The following FGF12 variants were observed in gnomAD, a reference collection of about 807,000 sequenced individuals.
FGF12 encodes the protein fibroblast growth factor 12B.
A neutral mutation model predicts 23.6 loss-of-function variants in FGF12; 14 were observed. The ratio of observed to expected loss-of-function variants is 0.59; its 90% CI spans 0.39 to 0.93. The LOEUF is 0.93. Among genes scored for constraint, FGF12 ranks in the 40% least tolerant of loss-of-function variants. The pLI is 0.00. For synonymous variants in FGF12, 62 were observed against 77.3 expected (o/e 0.80, Z 1.04); for missense variants, 175 against 217.8 (o/e 0.80, Z 1.24).
At chr3:192,439,778 C>T (rs1722142012) in intron 2 of FGF12, among the ~76,000 whole-genome samples, 1 of 152,140 alleles carries the variant, frequency 6.6e-6, no homozygotes, top group Non-Finnish European at 1.5e-5. Context: ...AGTTCAAGAC[C>T]AGCCTGGCAA....
intron 2 of FGF12, among the ~76,000 whole-genome samples, chr3:192,492,241 T>A (rs1198255847): frequency 6.6e-6 from 1 of 152,188 alleles, no homozygotes. Context: ...AATCACTTTT[T>A]CTAGCCAAAA....
rs1721036725 is a variant in FGF12, at chr3:192,408,052, G to A, written c.14-47514C>T. The A allele has an allele frequency of 6.2e-7, 1 of 1,612,196 alleles. No individual in the cohort carries two copies. Among genetic ancestry groups the A allele is most frequent in the African/African-American group, 1.3e-5 (1 of 75,044 alleles). On this transcript the variant is annotated intron_variant, in intron 2 of 5. Transcript: ENST00000445105. This position sits in a 1 kb window ranked among gnomAD's most constrained non-coding sequence, Gnocchi z 7.3. Reference sequence around the variant, plus strand: ...GGTCTCCGCCTCACCGGCCTCTTGCGGCCGCTGCAGAAGCGCACTTTGCTG... The same window carrying A: ...GGTCTCCGCCTCACCGGCCTCTTGCAGCCGCTGCAGAAGCGCACTTTGCTG...
At chr3:192,350,843 T>A (rs1019730557) in intron 3 of FGF12, among the ~76,000 whole-genome samples, 1 of 152,164 alleles carries the variant, frequency 6.6e-6, no homozygotes, top group Non-Finnish European at 1.5e-5. Flanking sequence ...GTGAGTTTAT[T>A]TCGTTTTATC....
At chr3:192,563,134 T>G (rs1712122821) in intron 2 of FGF12, among the ~76,000 whole-genome samples, 2 of 152,220 alleles carry the variant, frequency 1.3e-5, no homozygotes, top group Admixed American at 1.3e-4. Flanking sequence ...GCTTTAGAAC[T>G]GGGACCTACC....
intron 2 of FGF12, among the ~76,000 whole-genome samples, chr3:192,720,644 C>G (rs1034798512): frequency 1.3e-5 from 2 of 152,182 alleles, no homozygotes; most frequent in African/African-American, 4.8e-5. Flanking sequence ...AATCCCAAGT[C>G]TGTAGTACAG....
At chr3:192,352,160 T>A (rs559677877) in intron 3 of FGF12, among the ~76,000 whole-genome samples, 3 of 152,140 alleles carry the variant, frequency 2.0e-5, no homozygotes, top group Admixed American at 6.5e-5. Flanking sequence ...TTGTTTAAGA[T>A]GATAGAAAGT....
rs1421463192 is a variant in FGF12, at chr3:192,409,994, G to T, written c.14-49456C>A. Among the ~76,000 whole-genome samples, 1 of 152,038 alleles carries T rather than the reference G, an allele frequency of 6.6e-6. No individual in the cohort carries two copies. The highest frequency in any genetic ancestry group is 2.4e-5 in the African/African-American group (1 of 41,440). On this transcript the variant is annotated intron_variant, in intron 2 of 5. Coordinates refer to ENST00000445105, the MANE Select transcript of FGF12 (RefSeq NM_004113.6). The surrounding 1 kb of genome is among the most constrained non-coding windows in gnomAD (Gnocchi z 4.8). ...GCTGAGGCTCTGGGCGCGCGGAGCCGCCGCCGCCCCTCCGGCTGGCTCAGC... is the reference window on the plus strand; with the variant it reads ...GCTGAGGCTCTGGGCGCGCGGAGCCTCCGCCGCCCCTCCGGCTGGCTCAGC...
chr3:192,376,541 T>C lies in FGF12; in HGVS notation c.14-16003A>G, dbSNP rs1719516353. On this transcript the variant is annotated intron_variant, in intron 2 of 5. Transcript: ENST00000445105. ...CCACGCCCGGCTAATTTTGTATTTTTAGTAGAGACGGGGTTGCTCCATGTT... is the reference window on the plus strand; with the variant it reads ...CCACGCCCGGCTAATTTTGTATTTTCAGTAGAGACGGGGTTGCTCCATGTT... Among the ~76,000 whole-genome samples, 4 of 152,116 alleles carry C rather than the reference T, an allele frequency of 2.6e-5. No individual in the cohort carries two copies. The South Asian group carries it at 8.3e-4, about 32-fold the overall frequency.
intron 4 of FGF12, among the ~76,000 whole-genome samples, chr3:192,298,496 A>C (rs967323914): frequency 6.6e-6 from 1 of 152,204 alleles, no homozygotes; most frequent in Non-Finnish European, 1.5e-5. Flanking sequence ...CATGCCTGTA[A>C]TATCCCAGCA....
chr3:192,297,603 A>G (rs1000241945), intron 4 of FGF12, among the ~76,000 whole-genome samples: 4 of 152,196 alleles, frequency 2.6e-5, no homozygotes, highest in African/African-American at 9.7e-5. Context: ...GAATTTATAT[A>G]GGCCCTTCAT....
intron 4 of FGF12, among the ~76,000 whole-genome samples, chr3:192,294,994 C>G (rs1194529511): frequency 6.6e-6 from 1 of 152,134 alleles, no homozygotes; most frequent in Non-Finnish European, 1.5e-5. Flanking sequence ...GGTTAATTAT[C>G]CTACCAATCA....
chr3:192,700,985 G>T (rs571965206), intron 2 of FGF12, among the ~76,000 whole-genome samples: 27 of 152,060 alleles, frequency 1.8e-4, no homozygotes, highest in African/African-American at 6.0e-4. Flanking sequence ...ATTATGTAGA[G>T]AATCCTCTTC....
intron 2 of FGF12, among the ~76,000 whole-genome samples, chr3:192,532,418 G>A (rs1725111370): frequency 6.6e-6 from 1 of 152,026 alleles, no homozygotes; most frequent in African/African-American, 2.4e-5. Flanking sequence ...TGTCATCTAT[G>A]ATTTCTTTCA....
intron 2 of FGF12, among the ~76,000 whole-genome samples, chr3:192,443,508 T>C (rs1722266517): frequency 6.6e-6 from 1 of 152,238 alleles, no homozygotes. Context: ...GGTTAGTATT[T>C]AACTGTATCT....
At chr3:192,472,795 C>T (rs147645811) in intron 2 of FGF12, among the ~76,000 whole-genome samples, 1 of 152,144 alleles carries the variant, frequency 6.6e-6, no homozygotes, top group African/African-American at 2.4e-5. Flanking sequence ...TCGTTCCTAC[C>T]AGGGGTGTTA....
intron 2 of FGF12, among the ~76,000 whole-genome samples, chr3:192,511,351 A>G (rs1724467400): frequency 6.6e-6 from 1 of 152,186 alleles, no homozygotes; most frequent in South Asian, 2.1e-4. Flanking sequence ...GAGCCTGATC[A>G]TTAGGACAGG....
intron 4 of FGF12, among the ~76,000 whole-genome samples, chr3:192,192,859 T>C (rs918981813): frequency 2.0e-5 from 3 of 152,156 alleles, no homozygotes; most frequent in Non-Finnish European, 4.4e-5. Context: ...AAATACAGCA[T>C]TGAGATGTTT....
At chr3:192,368,799 C>T (rs549397859) in intron 2 of FGF12, among the ~76,000 whole-genome samples, 1 of 152,256 alleles carries the variant, frequency 6.6e-6, no homozygotes, top group South Asian at 2.1e-4. Context: ...ACCCTATATC[C>T]TGCAAAGACT....
intron 4 of FGF12, among the ~76,000 whole-genome samples, chr3:192,246,865 G>A (rs531915352): frequency 2.0e-5 from 3 of 146,908 alleles, no homozygotes; most frequent in East Asian, 4.0e-4. Context: ...AAGAGAGAGA[G>A]AGAGAAAGAA....
Sources: gnomAD v4.1 joint callset for allele counts (sites outside exome capture counted in the v4.1 genomes callset) on GRCh38, gnomAD v4.1.1 for gene constraint, Gnocchi (gnomAD v3.1) non-coding constraint, MANE v1.5 for transcripts, NCBI Gene and HGNC (gene_info 2026-07-23, HGNC 2026-07-21) for gene names.